The following TUSC3 variants were observed in gnomAD, a reference collection of about 807,000 sequenced individuals.
TUSC3 encodes the protein tumor suppressor candidate 3.
A neutral mutation model predicts 44.8 loss-of-function variants in TUSC3; 45 were observed. The observed-to-expected ratio is 1.00, with a 90% confidence interval of 0.79 to 1.29. TUSC3 has a LOEUF of 1.29. Ranked by LOEUF, TUSC3 falls within the 50% of genes most tolerant of loss-of-function variation. TUSC3 has a pLI of 0.00. For synonymous variants in TUSC3, 212 were observed against 152.9 expected (o/e 1.39, Z -2.85); for missense variants, 519 against 437.9 (o/e 1.19, Z -1.65).
chr8:15,595,735 G>A (rs573313418), intron 1 of TUSC3, among the ~76,000 whole-genome samples: 5 of 152,206 alleles, frequency 3.3e-5, no homozygotes, highest in Admixed American at 6.5e-5. Flanking sequence ...ATACAATGTA[G>A]CACTTATTTT....
At chr8:15,662,376 C>A (rs778701623) in intron 5 of TUSC3, 80 bp downstream of exon 5, 13 of 1,570,282 alleles carry the variant, frequency 8.3e-6, no homozygotes, top group Non-Finnish European at 1.1e-5. Context: ...CAAAATGAGC[C>A]AGATATAACT....
At chr8:15,448,787 G>C (rs1047728430) in intron 1 of TUSC3, among the ~76,000 whole-genome samples, 7 of 152,118 alleles carry the variant, frequency 4.6e-5, no homozygotes, top group African/African-American at 9.7e-5. Flanking sequence ...GCTAAAATAG[G>C]TATGGGACAC....
chr8:15,468,687 T>C (rs1800446218), intron 1 of TUSC3, among the ~76,000 whole-genome samples: 1 of 152,134 alleles, frequency 6.6e-6, no homozygotes, highest in Admixed American at 6.5e-5. Context: ...TAGGCCAGGC[T>C]AGAGACTTCT....
chr8:15,814,958 T>C, the TUSC3 span, among the ~76,000 whole-genome samples: 2 of 152,160 alleles, frequency 1.3e-5, no homozygotes, highest in Admixed American at 1.3e-4. Flanking sequence ...CTACAACAAA[T>C]TGTTTGTTGT....
intron 10 of TUSC3, among the ~76,000 whole-genome samples, chr8:15,761,502 A>G (rs936532347): frequency 9.2e-5 from 14 of 152,184 alleles, no homozygotes; most frequent in African/African-American, 3.4e-4. Context: ...TACTCTTGCC[A>G]ATTAGCTTCC....
intron 1 of TUSC3, among the ~76,000 whole-genome samples, chr8:15,570,080 G>T (rs1385471926): frequency 6.6e-6 from 1 of 152,010 alleles, no homozygotes; most frequent in Non-Finnish European, 1.5e-5. Flanking sequence ...GTTTATAAAA[G>T]ATTCCCACAT....
chr8:15,639,260 C>A (rs541466245), intron 2 of TUSC3, among the ~76,000 whole-genome samples: 2 of 142,900 alleles, frequency 1.4e-5, no homozygotes, highest in African/African-American at 5.2e-5. Flanking sequence ...GATCATGTGT[C>A]GATGCTAGAT....
intron 6 of TUSC3, among the ~76,000 whole-genome samples, chr8:15,710,576 A>C (rs1351136769): frequency 6.6e-6 from 1 of 151,688 alleles, no homozygotes; most frequent in Non-Finnish European, 1.5e-5. Context: ...TTACCTCTCC[A>C]CTGTCATTTT....
chr8:15,678,052 T>A (rs1808264746), intron 6 of TUSC3, among the ~76,000 whole-genome samples: 1 of 152,154 alleles, frequency 6.6e-6, no homozygotes, highest in Non-Finnish European at 1.5e-5. Context: ...TCAAAAAACA[T>A]GTTTATCCAG....
chr8:15,674,614 C>A (rs898535173), intron 6 of TUSC3, among the ~76,000 whole-genome samples: 4 of 151,682 alleles, frequency 2.6e-5, no homozygotes, highest in Non-Finnish European at 5.9e-5. Flanking sequence ...TTTCTGTCCA[C>A]CTGCTAATAA....
chr8:15,807,217 G>T, the TUSC3 span: 2 of 691,958 alleles, frequency 2.9e-6, no homozygotes, highest in Non-Finnish European at 2.6e-6. Flanking sequence ...AGCTCGTATC[G>T]CAACTAATTA....
intron 2 of TUSC3, among the ~76,000 whole-genome samples, chr8:15,491,818 A>T (rs1368200228): frequency 6.6e-6 from 1 of 152,198 alleles, no homozygotes; most frequent in Non-Finnish European, 1.5e-5. Flanking sequence ...CACTAACAAT[A>T]AGTTAATAGC....
chr8:15,712,430 A>G (rs928089988), intron 6 of TUSC3, among the ~76,000 whole-genome samples: 1 of 152,090 alleles, frequency 6.6e-6, no homozygotes, highest in Non-Finnish European at 1.5e-5. Context: ...AAGATCTTCA[A>G]CTTGAAATTC....
At chr8:15,746,750 GAGATGGA>G (rs1301929189) in intron 8 of TUSC3, among the ~76,000 whole-genome samples, 1 of 151,992 alleles carries the variant, frequency 6.6e-6, no homozygotes, top group East Asian at 1.9e-4. Context: ...AATAAAAAAG[GAGATGGA>G]AGGAAAAGAA....
At chr8:15,767,061 A>G (rs1334311508), downstream of TUSC3, among the ~76,000 whole-genome samples, 2 of 152,120 alleles carry the variant, frequency 1.3e-5, no homozygotes, top group Non-Finnish European at 2.9e-5. Flanking sequence ...GATCAGACCA[A>G]TATATGTAAT....
chr8:15,692,258 A>G lies in TUSC3; in HGVS notation c.798+18422A>G, dbSNP rs117692497. ...GTTGAGGATTTTTGGATCCATGTTC[A>G]TAAAAAAATATTGGCCTACTGTTTT... On this transcript the variant is annotated intron_variant, in intron 6 of 10. Transcript: ENST00000503731. 3.4e-3 allele frequency among the ~76,000 whole-genome samples: 514 copies of G among 150,908 alleles called. 8 individuals are homozygous for G. In the East Asian group the frequency reaches 0.035, roughly 10 times the overall value.
At chr8:15,844,959 G>A in the TUSC3 span, among the ~76,000 whole-genome samples, 1 of 151,794 alleles carries the variant, frequency 6.6e-6, no homozygotes, top group East Asian at 1.9e-4. Flanking sequence ...ATATTACCTT[G>A]GCATTTCAAA....
At chr8:15,566,895 A>G (rs1253714457) in intron 1 of TUSC3, among the ~76,000 whole-genome samples, 1 of 151,956 alleles carries the variant, frequency 6.6e-6, no homozygotes, top group Admixed American at 6.6e-5. Context: ...GGCCTCCCAA[A>G]CCATTGGGAT....
intron 1 of TUSC3, among the ~76,000 whole-genome samples, chr8:15,482,523 T>C (rs1168283496): frequency 6.6e-6 from 1 of 152,212 alleles, no homozygotes; most frequent in Non-Finnish European, 1.5e-5. Flanking sequence ...GAAAGATTCC[T>C]TTCAAAATGT....
Sources: gnomAD v4.1 joint callset for allele counts (sites outside exome capture counted in the v4.1 genomes callset) on GRCh38, gnomAD v4.1.1 for gene constraint, MANE v1.5 for transcripts, NCBI Gene and HGNC (gene_info 2026-07-23, HGNC 2026-07-21) for gene names.